The following PVT1 variants were observed in gnomAD, a reference collection of about 807,000 sequenced individuals.
PVT1 encodes the protein CXCR4/PVT1 fusion.
chr8:127,836,806 C>G (rs1186124140), intron 2 of PVT1, among the ~76,000 whole-genome samples: 1 of 152,152 alleles, frequency 6.6e-6, no homozygotes, highest in Non-Finnish European at 1.5e-5. Flanking sequence ...AGCCTAGATT[C>G]ATACCTGGGC....
intron 3 of PVT1, chr8:127,947,592 G>A (rs1346157172): frequency 7.4e-6 from 3 of 404,118 alleles, no homozygotes; most frequent in Non-Finnish European, 1.5e-5. Context: ...CTTAGATTTG[G>A]CAGAATGAAA....
chr8:128,006,331 A>G (rs1817247577), intron 4 of PVT1, among the ~76,000 whole-genome samples: 2 of 152,114 alleles, frequency 1.3e-5, no homozygotes, highest in Admixed American at 1.3e-4. Context: ...GGTCAACAGT[A>G]CAATGCTCAG....
chr8:127,870,340 G>A (rs888445923), intron 2 of PVT1, among the ~76,000 whole-genome samples: 5 of 152,168 alleles, frequency 3.3e-5, no homozygotes, highest in African/African-American at 1.2e-4. Flanking sequence ...AAGAGGCAAG[G>A]AAGGATCTTT....
intron 5 of PVT1, among the ~76,000 whole-genome samples, chr8:128,073,361 C>T (rs569881376): frequency 1.1e-4 from 17 of 152,192 alleles, no homozygotes; most frequent in Admixed American, 7.2e-4. Flanking sequence ...CTCCTTTTCT[C>T]CCTCCATCCC....
At chr8:127,925,687 G>T (rs191713381) in intron 3 of PVT1, among the ~76,000 whole-genome samples, 2 of 152,102 alleles carry the variant, frequency 1.3e-5, no homozygotes, top group Admixed American at 6.5e-5. Flanking sequence ...TGTTGCCCAG[G>T]CTGGAGTGCA....
At chr8:128,070,491 C>G (rs1813972035) in intron 5 of PVT1, 1 of 152,232 alleles carries the variant, frequency 6.6e-6, no homozygotes, top group South Asian at 2.1e-4. Flanking sequence ...TCGCCAGCAC[C>G]TGGTATTGGC....
intron 4 of PVT1, among the ~76,000 whole-genome samples, chr8:128,013,414 C>A (rs185491554): frequency 1.4e-4 from 21 of 152,124 alleles, no homozygotes; most frequent in African/African-American, 5.1e-4. Flanking sequence ...CAGAGTTAGC[C>A]ACTTCTTCCT....
intron 2 of PVT1, among the ~76,000 whole-genome samples, chr8:127,817,367 C>T (rs963423642): frequency 1.8e-5 from 2 of 109,284 alleles, no homozygotes; most frequent in Non-Finnish European, 3.7e-5. Flanking sequence ...ATATATATAT[C>T]TATTTAAATA....
In PVT1 at chr8:127,961,156, C is replaced by G. The variant is rs374546043; in HGVS notation, n.783-28006C>G. 2.6e-4 allele frequency among the ~76,000 whole-genome samples: 39 copies of G among 152,254 alleles called. 1 individual carries two copies. The highest frequency in any genetic ancestry group is 9.1e-4 in the African/African-American group (38 of 41,550). On this transcript the variant is annotated intron_variant and non_coding_transcript_variant, in intron 3 of 10. Coordinates refer to ENST00000651587, the Ensembl canonical transcript of PVT1. The stretch of plus-strand genomic sequence containing the variant: ...AGCAGAGGCCAGATCCTAGAAAGAC[C>G]ATTTTGACTTTGTGCTGAGGGCGAT...
intron 3 of PVT1, among the ~76,000 whole-genome samples, chr8:127,926,921 G>A (rs1256048492): frequency 1.3e-5 from 2 of 152,204 alleles, no homozygotes; most frequent in Non-Finnish European, 2.9e-5. Context: ...CGGACACGAG[G>A]AAAGGTCTGC....
chr8:128,037,768 G>T (rs148673320), intron 4 of PVT1, among the ~76,000 whole-genome samples: 1 of 152,290 alleles, frequency 6.6e-6, no homozygotes, highest in African/African-American at 2.4e-5. Context: ...AATGCTGCTC[G>T]CGTTGGTGGC....
chr8:127,903,143 A>G (rs1384909467), intron 3 of PVT1, among the ~76,000 whole-genome samples: 2 of 152,178 alleles, frequency 1.3e-5, no homozygotes, highest in Non-Finnish European at 2.9e-5. Flanking sequence ...TTGGCATGAA[A>G]TGTATCTCAT....
At chr8:127,831,619 A>C (rs1814851711) in intron 2 of PVT1, among the ~76,000 whole-genome samples, 1 of 152,144 alleles carries the variant, frequency 6.6e-6, no homozygotes, top group South Asian at 2.1e-4. Flanking sequence ...GTAGGGGTAG[A>C]AGTTGGGGAG....
At chr8:127,817,272 A>G (rs1233246457) in intron 2 of PVT1, among the ~76,000 whole-genome samples, 1 of 151,318 alleles carries the variant, frequency 6.6e-6, no homozygotes, top group Non-Finnish European at 1.5e-5. Context: ...CCTTTGCCTC[A>G]TTTTATTACT....
In PVT1 at chr8:127,839,282, C is replaced by T. The variant is rs183789378; in HGVS notation, n.372+43211C>T. On this transcript the variant is annotated intron_variant and non_coding_transcript_variant, in intron 2 of 10. Transcript: ENST00000651587. ...AAAAGGCGGGCTGGGTGCAGTGGCT[C>T]GTGCCTGTAATTCCAGCACTTTGGG... 3.9e-3 allele frequency among the ~76,000 whole-genome samples: 600 copies of T among 152,172 alleles called. 5 individuals carry two copies. The highest frequency in any genetic ancestry group is 0.013 in the African/African-American group (556 of 41,524).
intron 3 of PVT1, among the ~76,000 whole-genome samples, chr8:127,930,990 C>T (rs1231971642): frequency 6.6e-6 from 1 of 152,172 alleles, no homozygotes; most frequent in Non-Finnish European, 1.5e-5. Context: ...ACTGCAGCCT[C>T]AACCTCCCAG....
Position 127,985,452 on chromosome 8 carries a change from A to G in PVT1, n.783-3710A>G, listed in dbSNP as rs905513711. Among the ~76,000 whole-genome samples the G allele has an allele frequency of 5.5e-5, 8 of 144,528 alleles. No individual in the cohort carries two copies. In the South Asian group the frequency reaches 1.7e-3, roughly 31 times the overall value. 94.8% of individuals were successfully genotyped at this position (144,528 alleles called of 152,430 possible). A position where few individuals can be genotyped will look rare whatever the true frequency, so the allele number is the denominator to read the frequency against. The stretch of plus-strand genomic sequence containing the variant: ...GAGTAGCTGCTTTTTTTTTTTTTTT[A>G]ATCCTCGATTTACAGATGAAGACCA... On this transcript the variant is annotated intron_variant and non_coding_transcript_variant, in intron 3 of 10. Coordinates refer to ENST00000651587, the Ensembl canonical transcript of PVT1.
At chr8:128,027,202 C>T (rs7357412) in intron 4 of PVT1, among the ~76,000 whole-genome samples, 1 of 152,208 alleles carries the variant, frequency 6.6e-6, no homozygotes. Flanking sequence ...CCAACCCTGC[C>T]TGTGTGGCTC....
intron 4 of PVT1, among the ~76,000 whole-genome samples, chr8:128,023,598 C>T (rs951241608): frequency 4.6e-5 from 7 of 152,200 alleles, no homozygotes; most frequent in Non-Finnish European, 1.0e-4. Flanking sequence ...TTTGGAATGA[C>T]TGAATGGTCT....
Sources: allele counts gnomAD v4.1 joint callset (sites outside exome capture counted in the v4.1 genomes callset), GRCh38; gene constraint gnomAD v4.1.1; transcripts MANE v1.5; gene names NCBI Gene and HGNC (gene_info 2026-07-23, HGNC 2026-07-21).